TAFA2: variants seen among roughly 807,000 people sequenced by gnomAD.
The protein encoded by TAFA2 is TAFA chemokine like family member 2.
A neutral mutation model predicts 18.8 loss-of-function variants in TAFA2; 7 were observed. The ratio of observed to expected loss-of-function variants is 0.37; its 90% CI spans 0.21 to 0.70. The LOEUF (loss-of-function observed/expected upper bound fraction) is 0.70. Ranked by LOEUF, TAFA2 falls within the 30% of genes least tolerant of loss-of-function variation. TAFA2 has a pLI of 0.53. For synonymous variants in TAFA2, 60 were observed against 54.2 expected (o/e 1.11, Z -0.47); for missense variants, 122 against 158.1 (o/e 0.77, Z 1.23).
In TAFA2 at chr12:61,801,465, G is replaced by A. The variant is rs539702677; in HGVS notation, c.107-46441C>T. ...TCCAGAAATAATTCACATATTTACT[G>A]CCAGTTTATTTTTGACAAAAGCACC... On this transcript the variant is annotated intron_variant, in intron 2 of 4. Transcript: ENST00000416284. 1.5e-3 allele frequency among the ~76,000 whole-genome samples: 226 copies of A among 152,018 alleles called. 2 individuals are homozygous for A. The highest frequency in any genetic ancestry group is 4.8e-3 in the African/African-American group (201 of 41,514).
intron 1 of TAFA2, among the ~76,000 whole-genome samples, chr12:61,926,442 C>T (rs1367511699): frequency 6.6e-6 from 1 of 152,122 alleles, no homozygotes; most frequent in African/African-American, 2.4e-5. Flanking sequence ...TGTGAAAAAT[C>T]CTCAATAAAA....
chr12:61,987,532 C>T (rs780433936), intron 1 of TAFA2, among the ~76,000 whole-genome samples: 4 of 152,176 alleles, frequency 2.6e-5, no homozygotes, highest in Non-Finnish European at 5.9e-5. Flanking sequence ...TTAGAAACTA[C>T]CATGGAAATA....
At chr12:62,083,465 G>T (rs910236316) in intron 1 of TAFA2, among the ~76,000 whole-genome samples, 7 of 151,914 alleles carry the variant, frequency 4.6e-5, no homozygotes, top group African/African-American at 1.7e-4. Context: ...ATATATATCA[G>T]GTTTTCTCTT....
chr12:61,762,385 T>C (rs1290197441), intron 2 of TAFA2, among the ~76,000 whole-genome samples: 1 of 146,632 alleles, frequency 6.8e-6, no homozygotes. Context: ...CTAAAGCAAG[T>C]TTATTCCTTT....
At chr12:62,180,185 C>T (rs1026056110) in intron 1 of TAFA2, among the ~76,000 whole-genome samples, 1 of 152,006 alleles carries the variant, frequency 6.6e-6, no homozygotes, top group African/African-American at 2.4e-5. Flanking sequence ...CTATACAGTA[C>T]CTGAATTTTT....
chr12:62,208,279 C>A (rs1476442490), intron 1 of TAFA2, among the ~76,000 whole-genome samples: 1 of 151,346 alleles, frequency 6.6e-6, no homozygotes, highest in Non-Finnish European at 1.5e-5. Flanking sequence ...ACATATGAAC[C>A]AAGTGGCATC....
chr12:61,868,236 C>T (rs1438359791), intron 1 of TAFA2, among the ~76,000 whole-genome samples: 4 of 152,158 alleles, frequency 2.6e-5, no homozygotes, highest in Non-Finnish European at 2.9e-5. Context: ...GTATATCCAT[C>T]CCCATTTTGT....
intron 1 of TAFA2, among the ~76,000 whole-genome samples, chr12:62,150,033 G>A (rs2062316706): frequency 6.6e-6 from 1 of 152,164 alleles, no homozygotes; most frequent in African/African-American, 2.4e-5. Flanking sequence ...TTAGCCTCCA[G>A]TAAACTGAAA....
chr12:62,018,808 G>C (rs576098013), intron 1 of TAFA2, among the ~76,000 whole-genome samples: 1 of 152,246 alleles, frequency 6.6e-6, no homozygotes, highest in South Asian at 2.1e-4. Flanking sequence ...GGCAACAAAA[G>C]CCAAAATTGA....
intron 1 of TAFA2, among the ~76,000 whole-genome samples, chr12:61,951,544 G>C (rs1282469287): frequency 6.6e-6 from 1 of 152,052 alleles, no homozygotes; most frequent in African/African-American, 2.4e-5. Flanking sequence ...TCATGGTAAA[G>C]ATGGGGAAAA....
intron 1 of TAFA2, among the ~76,000 whole-genome samples, chr12:61,923,847 G>T (rs190172389): frequency 2.0e-5 from 3 of 151,704 alleles, no homozygotes; most frequent in African/African-American, 7.3e-5. Context: ...CTTGATAAAA[G>T]GTTACAGGAA....
At chr12:61,903,285 C>T (rs1366415588) in intron 1 of TAFA2, among the ~76,000 whole-genome samples, 2 of 152,154 alleles carry the variant, frequency 1.3e-5, no homozygotes, top group Non-Finnish European at 2.9e-5. Context: ...CCTTCTCCCC[C>T]TCCCTCACTT....
chr12:62,179,385 G>A (rs1382551341), intron 1 of TAFA2, among the ~76,000 whole-genome samples: 3 of 152,104 alleles, frequency 2.0e-5, no homozygotes, highest in South Asian at 2.1e-4. Flanking sequence ...ATAGAACTTG[G>A]AAGAATCTAA....
chr12:62,000,948 A>T (rs1176383140), intron 1 of TAFA2, among the ~76,000 whole-genome samples: 1 of 152,244 alleles, frequency 6.6e-6, no homozygotes, highest in Non-Finnish European at 1.5e-5. Flanking sequence ...GAGTACTAGC[A>T]ATAAAAATAT....
chr12:62,181,938 A>C (rs985093381), intron 1 of TAFA2, among the ~76,000 whole-genome samples: 1 of 152,012 alleles, frequency 6.6e-6, no homozygotes, highest in Admixed American at 6.6e-5. Context: ...TTCATTTTAA[A>C]ATTGTAAGCC....
At chr12:62,034,765 T>C (rs547626185) in intron 1 of TAFA2, among the ~76,000 whole-genome samples, 17 of 152,190 alleles carry the variant, frequency 1.1e-4, no homozygotes, top group Non-Finnish European at 2.4e-4. Flanking sequence ...AAATTATAGT[T>C]TGGGAAATTC....
At chr12:61,938,982 G>A (rs575283710) in intron 1 of TAFA2, among the ~76,000 whole-genome samples, 54 of 151,518 alleles carry the variant, frequency 3.6e-4, no homozygotes, top group African/African-American at 1.1e-3. Flanking sequence ...CTCAGGTGGC[G>A]GGTGCACCAA....
chr12:61,881,130 G>C (rs1237173908), intron 1 of TAFA2, among the ~76,000 whole-genome samples: 1 of 152,012 alleles, frequency 6.6e-6, no homozygotes. Flanking sequence ...GAAAAAAGAT[G>C]CCTTGGCCAT....
At chr12:61,933,491 TG>T (rs1475850806) in intron 1 of TAFA2, among the ~76,000 whole-genome samples, 2 of 152,152 alleles carry the variant, frequency 1.3e-5, no homozygotes, top group Admixed American at 1.3e-4. Context: ...GCAAGAAAAC[TG>T]CTTGAGACCA....
Sources: allele counts gnomAD v4.1 joint callset (sites outside exome capture counted in the v4.1 genomes callset), GRCh38; gene constraint gnomAD v4.1.1; transcripts MANE v1.5; gene names NCBI Gene and HGNC (gene_info 2026-07-23, HGNC 2026-07-21).